Variants in POLR3G observed in about 807,000 individuals in gnomAD.
POLR3G encodes the protein DNA-directed RNA polymerase III subunit RPC7.
In POLR3G, 28 loss-of-function variants were observed where a neutral mutation model predicts 30.1. That is an observed-to-expected ratio of 0.93 (90% confidence interval 0.69 to 1.27). The LOEUF (loss-of-function observed/expected upper bound fraction) is 1.27. POLR3G is among the 50% of genes most tolerant of loss of function. The pLI is 0.00. For missense variants in POLR3G, 254 were observed against 264.6 expected, an observed-to-expected ratio of 0.96 and a Z score of 0.28; for synonymous variants, 79 against 82.5, an observed-to-expected ratio of 0.96 and a Z score of 0.23.
chr5:90,484,576 G>T (rs1751315570), intron 1 of POLR3G, among the ~76,000 whole-genome samples: 1 of 152,186 alleles, frequency 6.6e-6, no homozygotes, highest in Non-Finnish European at 1.5e-5. Context: ...AGAAACCCTG[G>T]TGAAGAGTAG....
chr5:90,474,214 C>T (rs757615534), upstream of POLR3G: 1 of 1,612,644 alleles, frequency 6.2e-7, no homozygotes, highest in African/African-American at 1.3e-5. Context: ...GCACGGTTGC[C>T]CGACTCGTAG....
At chr5:90,492,457 G>T (rs909467851) in intron 3 of POLR3G, among the ~76,000 whole-genome samples, 3 of 152,186 alleles carry the variant, frequency 2.0e-5, no homozygotes, top group Non-Finnish European at 4.4e-5. Context: ...TGATTGAAAG[G>T]AAATTGATTA....
chr5:90,488,580 G>A (rs1421195071), intron 3 of POLR3G, among the ~76,000 whole-genome samples: 2 of 151,842 alleles, frequency 1.3e-5, no homozygotes, highest in East Asian at 3.9e-4. Flanking sequence ...TTAATGACTG[G>A]TAGTCTACTC....
chr5:90,475,774 C>T (rs535646479), intron 1 of POLR3G, among the ~76,000 whole-genome samples: 1 of 152,250 alleles, frequency 6.6e-6, no homozygotes, highest in Non-Finnish European at 1.5e-5. Context: ...TGCGGTGGCG[C>T]GATCTCGTCT....
Position 90,475,794 on chromosome 5 carries a change from C to T in POLR3G, c.-44+774C>T, listed in dbSNP as rs574198674. Among the ~76,000 whole-genome samples the T allele has an allele frequency of 2.6e-5, 4 of 152,304 alleles. No homozygotes were observed. The South Asian group carries it at 8.3e-4, about 32-fold the overall frequency. On this transcript the variant is annotated intron_variant, in intron 1 of 7. Coordinates refer to ENST00000651687, the MANE Select transcript of POLR3G (RefSeq NM_006467.3). ...TGGCGCGATCTCGTCTCACTGCATC[C>T]TCCGCCTCCTGGGTTCTAGCGATTC... is the stretch of plus-strand genomic sequence containing the variant.
chr5:90,504,835 G>A (rs895485946), intron 6 of POLR3G, among the ~76,000 whole-genome samples: 9 of 152,134 alleles, frequency 5.9e-5, no homozygotes, highest in Admixed American at 1.3e-4. Context: ...CCATAAGCAC[G>A]ATTTTCTTTA....
At chr5:90,506,119 C>T (rs766729352) in intron 6 of POLR3G, among the ~76,000 whole-genome samples, 14 of 151,990 alleles carry the variant, frequency 9.2e-5, no homozygotes, top group South Asian at 6.2e-4. Context: ...GTCCCAGCTA[C>T]GCAGGAAGCT....
Position 90,485,589 on chromosome 5 carries a change from G to A in POLR3G, c.22G>A (p.Gly8Arg), listed in dbSNP as rs1217032955. 7 of 1,613,418 alleles carry A rather than the reference G, an allele frequency of 4.3e-6. No individual in the cohort carries two copies. The Admixed American group carries it at 1.2e-4, about 27-fold the overall frequency. Reference protein sequence around the residue: MAGNKGRGRAAYTFNIEA... With the variant: MAGNKGRRRAAYTFNIEA... Reference sequence around the variant, plus strand: ...TCTGATGGCTGGGAATAAAGGAAGAGGACGTGCTGCTTATACCTTTAATAT... The same window carrying A: ...TCTGATGGCTGGGAATAAAGGAAGAAGACGTGCTGCTTATACCTTTAATAT... The change falls in exon 2 of 8, where the codon GGA becomes AGA. Residue 8 changes from glycine to arginine, a missense_variant. Coordinates refer to ENST00000651687, the MANE Select transcript of POLR3G (RefSeq NM_006467.3).
intron 3 of POLR3G, among the ~76,000 whole-genome samples, chr5:90,489,794 C>T (rs1440730119): frequency 6.6e-6 from 1 of 152,052 alleles, no homozygotes; most frequent in African/African-American, 2.4e-5. Flanking sequence ...GTTATTAAAG[C>T]ACATGTCTAA....
chr5:90,502,103 C>G (rs1172850108), intron 6 of POLR3G, 115 bp downstream of exon 6: 37 of 1,473,498 alleles, frequency 2.5e-5, no homozygotes, highest in Non-Finnish European at 3.2e-5. Context: ...GTAAATTTGG[C>G]AGAAGCGAGC....
At chr5:90,490,438 C>T (rs1302397193) in intron 3 of POLR3G, among the ~76,000 whole-genome samples, 1 of 151,874 alleles carries the variant, frequency 6.6e-6, no homozygotes, top group Non-Finnish European at 1.5e-5. Flanking sequence ...CGCTCTGTCA[C>T]CCAGGCTGGA....
Position 90,502,880 on chromosome 5 carries a change from G to A in POLR3G, c.438+892G>A, listed in dbSNP as rs1292011724. Among the ~76,000 whole-genome samples the A allele has an allele frequency of 3.9e-4, 59 of 150,206 alleles. 1 individual carries two copies. Among genetic ancestry groups the A allele is most frequent in the Admixed American group, 3.9e-3 (58 of 15,032 alleles). On this transcript the variant is annotated intron_variant, in intron 6 of 7. Coordinates refer to ENST00000651687, the MANE Select transcript of POLR3G (RefSeq NM_006467.3). ...AATATCCTACATAATTGGATATATG[G>A]ACATTATGTTTCATCTAGTGTTTTG...
At chr5:90,483,337 A>G (rs1339863131) in intron 1 of POLR3G, among the ~76,000 whole-genome samples, 1 of 152,130 alleles carries the variant, frequency 6.6e-6, no homozygotes, top group Admixed American at 6.5e-5. Flanking sequence ...TTACAAAATC[A>G]TATCTGAAAA....
intron 2 of POLR3G, among the ~76,000 whole-genome samples, chr5:90,486,921 G>T (rs1242501982): frequency 2.6e-5 from 4 of 152,144 alleles, no homozygotes; most frequent in Non-Finnish European, 5.9e-5. Context: ...AGTAGTTGCA[G>T]CATGAATGTA....
intron 3 of POLR3G, among the ~76,000 whole-genome samples, chr5:90,492,423 T>A (rs772339519): frequency 1.3e-5 from 2 of 152,182 alleles, no homozygotes; most frequent in Non-Finnish European, 2.9e-5. Context: ...TGACAAATGC[T>A]GAACATAAAG....
intron 1 of POLR3G, among the ~76,000 whole-genome samples, chr5:90,481,354 A>G (rs1751115314): frequency 6.6e-6 from 1 of 152,148 alleles, no homozygotes; most frequent in African/African-American, 2.4e-5. Context: ...TCAAACCCAA[A>G]TCTAAACCTC....
intron 1 of POLR3G, among the ~76,000 whole-genome samples, chr5:90,483,400 G>C (rs1215948548): frequency 6.6e-6 from 1 of 152,098 alleles, no homozygotes; most frequent in East Asian, 1.9e-4. Context: ...CATTCTACTT[G>C]AGTAATTCAC....
intron 4 of POLR3G, among the ~76,000 whole-genome samples, chr5:90,496,264 C>A (rs897203778): frequency 3.9e-5 from 6 of 152,114 alleles, no homozygotes; most frequent in Admixed American, 6.6e-5. Context: ...CAACACCCCC[C>A]ACCCTTAATA....
rs377706201 is a variant in POLR3G at position 90,485,313 on chromosome 5, AG to A, written c.-43-207del. ...ACTGGATGTGGGGCAGTAGTGGGTG[AG>A]GGGGTTGAAGCCATCATTATCTTAC... is the stretch of plus-strand genomic sequence containing the variant. On this transcript the variant is annotated intron_variant, in intron 1 of 7. Coordinates refer to ENST00000651687, the MANE Select transcript of POLR3G (RefSeq NM_006467.3). Among the ~76,000 whole-genome samples, 22 of 152,266 alleles carry A rather than the reference AG, an allele frequency of 1.4e-4. No individual in the cohort carries two copies. The East Asian group carries it at 4.2e-3, about 29-fold the overall frequency.
Sources: allele counts gnomAD v4.1 joint callset (sites outside exome capture counted in the v4.1 genomes callset), GRCh38; gene constraint gnomAD v4.1.1; transcripts MANE v1.5; gene names NCBI Gene and HGNC (gene_info 2026-07-23, HGNC 2026-07-21).